Variants in MKI67 observed in about 807,000 individuals in gnomAD.
MKI67 encodes the protein marker of proliferation Ki-67.
A neutral mutation model predicts 233.5 loss-of-function variants in MKI67; 152 were observed. The observed-to-expected ratio is 0.65, with a 90% CI of 0.57 to 0.74. MKI67 has a LOEUF of 0.74. Among genes scored for constraint, MKI67 ranks in the 30% least tolerant of loss-of-function variants. The pLI is 0.00. For synonymous variants in MKI67, 1,465 were observed against 1,418.5 expected (o/e 1.03, Z -0.74); for missense variants, 3,940 against 3,885.2 (o/e 1.01, Z -0.37).
Position 128,108,474 on chromosome 10 carries a change from CTCATCAG to C in MKI67, c.3359_3365del (p.Thr1120ArgfsTer6), listed in dbSNP as rs1316407094. ...ATTTGCAGGCTATTTTGGTAGTTTT[CTCATCAG>C]TCATTGATTCCTCAGAGGGACCTGG... On this transcript the variant is annotated frameshift_variant, in exon 13 of 15. Coordinates refer to ENST00000368654, the MANE Select transcript of MKI67 (RefSeq NM_002417.5). LOFTEE classifies it high-confidence loss of function. 1 of 1,613,450 alleles carries C rather than the reference CTCATCAG, an allele frequency of 6.2e-7. No individual in the cohort carries two copies. The highest frequency in any genetic ancestry group is 8.5e-7 in the Non-Finnish European group (1 of 1,179,902).
rs368762851 is a variant in MKI67, at chr10:128,115,226, C to T, written c.1182G>A (p.Lys394=). 123 of 1,614,130 alleles carry T rather than the reference C, an allele frequency of 7.6e-5. No individual in the cohort carries two copies. Among genetic ancestry groups the T allele is most frequent in the East Asian group, 3.3e-4 (15 of 44,904 alleles). ...KAGDKTLTPR[K]LSTRNRTPAK... is the part of the protein sequence containing the mutation. ...CTGGTGTTCGATTTCTAGTTGAAAG[C>T]TTCCTGGGAGTAAGAGTTTTATCAC... Residue 394 remains lysine, a synonymous_variant, in exon 7 of 15, where the codon AAG becomes AAA. Transcript: ENST00000368654.
intron 2 of MKI67, among the ~76,000 whole-genome samples, chr10:128,123,421 G>A (rs1852992388): frequency 6.6e-6 from 1 of 152,124 alleles, no homozygotes; most frequent in Non-Finnish European, 1.5e-5. Context: ...AACACAAATC[G>A]AATTACCTTT....
rs1229110094 is a variant in MKI67, at chr10:128,096,905, A to C, written c.*2285T>G. The C allele has an allele frequency of 1.3e-5, 2 of 152,300 alleles. No homozygotes were observed. The highest frequency in any genetic ancestry group is 4.8e-5 in the African/African-American group (2 of 41,456). The allele number at this position is 152,300 out of a possible 1,614,324, so 9.4% of individuals were successfully genotyped here. A position where few individuals can be genotyped will look rare whatever the true frequency, so the allele number is the denominator to read the frequency against. ...GACAGGCATGGGGGTGAGGGAACCCACAGGCAAGAAGCCTCCCTTAAGCTG... is the reference window on the plus strand; with the variant it reads ...GACAGGCATGGGGGTGAGGGAACCCCCAGGCAAGAAGCCTCCCTTAAGCTG... On this transcript the variant is annotated 3_prime_UTR_variant, in exon 15 of 15. Transcript: ENST00000368654.
Position 128,101,663 on chromosome 10 carries a change from C to G in MKI67, c.9300G>C (p.Glu3100Asp), listed in dbSNP as rs996220458. 4 of 1,609,038 alleles carry G rather than the reference C, an allele frequency of 2.5e-6. No individual in the cohort carries two copies. The highest frequency in any genetic ancestry group is 3.4e-6 in the Non-Finnish European group (4 of 1,178,464). The change falls in exon 14 of 15, where the codon GAG becomes GAC. Residue 3100 changes from glutamate to aspartate, a missense_variant. By Grantham distance (45) the Glu-to-Asp change is conservative. Transcript: ENST00000368654. Reference protein sequence around the residue: ...SLRSRRQNKTEAEQQITEVFV... With the variant: ...SLRSRRQNKTDAEQQITEVFV... Reference sequence around the variant, plus strand: ...AGACCTCAGTTATTTGCTGTTCTGCCTCAGTCTTATTTTGGCGTCTGGAGC... The same window carrying G: ...AGACCTCAGTTATTTGCTGTTCTGCGTCAGTCTTATTTTGGCGTCTGGAGC...
In MKI67 at chr10:128,101,266, G is replaced by C; in HGVS notation, c.9697C>G (p.Pro3233Ala). Residue 3233 changes from proline to alanine, a missense_variant, in exon 14 of 15, where the codon CCA becomes GCA. Coordinates refer to ENST00000368654, the MANE Select transcript of MKI67 (RefSeq NM_002417.5). ...TRSVKRCAEN[P>A]KKAEDNVCVK... is the part of the protein sequence containing the mutation. ...AACAGTAAATGGCTTACCTTCTTTGGATTTTCTGCACACCTCTTGACACTC... is the reference window on the plus strand; with the variant it reads ...AACAGTAAATGGCTTACCTTCTTTGCATTTTCTGCACACCTCTTGACACTC... 6.2e-7 allele frequency: 1 copy of C among 1,607,966 alleles called. No homozygotes were observed. The highest frequency in any genetic ancestry group is 1.3e-5 in the African/African-American group (1 of 74,874).
Position 128,104,107 on chromosome 10 carries a change from A to T in MKI67, c.7733T>A (p.Ile2578Asn). 1 of 1,613,784 alleles carries T rather than the reference A, an allele frequency of 6.2e-7. No individual in the cohort carries two copies. Among genetic ancestry groups the T allele is most frequent in the Non-Finnish European group, 8.5e-7 (1 of 1,179,966 alleles). ...APGHTEESMT[I>N]DKNTKIPCKS... ...GCAGGGAATTTTTGTGTTTTTGTCA[A>T]TAGTCATTGACTCTTCAGTGTGACC... The change falls in exon 13 of 15, where the codon ATT becomes AAT. Residue 2578 changes from isoleucine to asparagine, a missense_variant. Ile to Asn is a moderately radical substitution (Grantham distance 149). Transcript: ENST00000368654.
In MKI67 at chr10:128,115,185, G is replaced by A; in HGVS notation, c.1223C>T (p.Ala408Val). Reference protein sequence around the residue: ...RNRTPAKVEDAADSATKPENL... With the variant: ...RNRTPAKVEDVADSATKPENL... ...TTCTGGCTTAGTGGCAGAGTCAGCT[G>A]CATCTTCAACTTTAGCTGGTGTTCG... Residue 408 changes from alanine (A) to valine (V), a missense_variant, in exon 7 of 15, where the codon GCA becomes GTA. By Grantham distance (64) the Ala-to-Val change is moderately conservative (BLOSUM62 0). Transcript: ENST00000368654. 2 of 1,614,230 alleles carry A rather than the reference G, an allele frequency of 1.2e-6. No individual in the cohort carries two copies. Among genetic ancestry groups the A allele is most frequent in the Non-Finnish European group, 1.7e-6 (2 of 1,180,032 alleles).
chr10:128,114,869 C>T, intron 7 of MKI67, 59 bp downstream of exon 7: 1 of 1,448,512 alleles, frequency 6.9e-7, no homozygotes. Context: ...GAAGGTCTCA[C>T]AGCTACATAG....
Position 128,115,134 on chromosome 10 carries a change from C to G in MKI67, c.1274G>C (p.Ser425Thr). 1 of 1,614,182 alleles carries G rather than the reference C, an allele frequency of 6.2e-7. No homozygotes were observed. The highest frequency in any genetic ancestry group is 8.5e-7 in the Non-Finnish European group (1 of 1,180,034). Reference protein sequence around the residue: ...PENLSSKTRGSIPTDVEVLPT... With the variant: ...PENLSSKTRGTIPTDVEVLPT... ...CAGAACTTCCACATCTGTAGGAATACTTCCTCTGGTTTTGGAAGAGAGATT... is the reference window on the plus strand; with the variant it reads ...CAGAACTTCCACATCTGTAGGAATAGTTCCTCTGGTTTTGGAAGAGAGATT... The change falls in exon 7 of 15, where the codon AGT becomes ACT. Residue 425 changes from serine (S) to threonine (T), a missense_variant. Coordinates refer to ENST00000368654, the MANE Select transcript of MKI67 (RefSeq NM_002417.5).
At chr10:128,123,609 C>T (rs1285559764) in intron 2 of MKI67, among the ~76,000 whole-genome samples, 1 of 152,210 alleles carries the variant, frequency 6.6e-6, no homozygotes, top group Non-Finnish European at 1.5e-5. Flanking sequence ...GCATCAGTTT[C>T]TTCATATACA....
At position 128,102,697 on chromosome 10, in the gene MKI67, A is replaced by C. The variant is rs778483748; in HGVS notation, c.9143T>G (p.Met3048Arg). 1 of 1,614,174 alleles carries C rather than the reference A, an allele frequency of 6.2e-7. No homozygotes were observed. Among genetic ancestry groups the C allele is most frequent in the South Asian group, 1.1e-5 (1 of 91,082 alleles). ...TGCAGAAGTCCTCAAACTTCTCTTC[A>C]TGATGACCACGGGTTCGGATGATTT... ...RGKSSEPVVI[M>R]KRSLRTSAKR... The change falls in exon 13 of 15, where the codon ATG becomes AGG. Residue 3048 changes from methionine (M) to arginine (R), a missense_variant. Coordinates refer to ENST00000368654, the MANE Select transcript of MKI67 (RefSeq NM_002417.5).
Position 128,103,623 on chromosome 10 carries a change from T to A in MKI67, c.8217A>T (p.Ala2739=). The A allele has an allele frequency of 6.2e-7, 1 of 1,614,214 alleles. No homozygotes were observed. The highest frequency in any genetic ancestry group is 8.5e-7 in the Non-Finnish European group (1 of 1,180,040). ...CCCCTGATGTTTGTGTGAACTTGAC[T>A]GCTGAAGGCTCTTCTTTTACTTGTA... ...QKVQVKEEPS[A]VKFTQTSGET... The change falls in exon 13 of 15, where the codon GCA becomes GCT. Residue 2739 remains alanine (A), a synonymous_variant. Transcript: ENST00000368654.
In MKI67 at chr10:128,102,895, T is replaced by C; in HGVS notation, c.8945A>G (p.Lys2982Arg). The change falls in exon 13 of 15, where the codon AAA becomes AGA. Residue 2982 changes from lysine (K) to arginine (R), a missense_variant. Transcript: ENST00000368654. Reference protein sequence around the residue: ...GDVVSTRDPVKSQSKSNTSLP... With the variant: ...GDVVSTRDPVRSQSKSNTSLP... ...GGAAGTGTTGCTTTTGCTTTGTGAT[T>C]TTACAGGGTCTCTGGTGCTTACCAC... is the stretch of plus-strand genomic sequence containing the variant. 1 of 1,614,162 alleles carries C rather than the reference T, an allele frequency of 6.2e-7. No individual in the cohort carries two copies. Among genetic ancestry groups the C allele is most frequent in the Non-Finnish European group, 8.5e-7 (1 of 1,180,016 alleles).
Position 128,125,466 on chromosome 10 carries a change from A to T in MKI67, c.92+110T>A, listed in dbSNP as rs896443130. 3.6e-6 allele frequency: 3 copies of T among 832,298 alleles called. No homozygotes were observed. Among genetic ancestry groups the T allele is most frequent in the Non-Finnish European group, 6.1e-6 (3 of 493,890 alleles). 51.6% of individuals were successfully genotyped at this position (832,298 alleles called of 1,614,324 possible). On this transcript the variant is annotated intron_variant, in intron 2 of 14. Coordinates refer to ENST00000368654, the MANE Select transcript of MKI67 (RefSeq NM_002417.5). The surrounding 1 kb of genome is among the most constrained non-coding windows in gnomAD (Gnocchi z 5.3). ...GTAACGAATGGGAGAAGCACCAAGG[A>T]AAAGTGACGGCAGGACCCAATCCTA...
rs1348793206 is a variant in MKI67, at chr10:128,106,650, T to C, written c.5190A>G (p.Glu1730=). ...PSHTKESMTN[E]KTTKVSYRAS... ...CTCTGTAGGATACTTTGGTAGTTTTTTCGTTAGTCATTGATTCCTTAGTGT... is the reference window on the plus strand; with the variant it reads ...CTCTGTAGGATACTTTGGTAGTTTTCTCGTTAGTCATTGATTCCTTAGTGT... Residue 1730 remains glutamate, a synonymous_variant, in exon 13 of 15, where the codon GAA becomes GAG. Transcript: ENST00000368654. 4.3e-6 allele frequency: 7 copies of C among 1,614,070 alleles called. No homozygotes were observed. The highest frequency in any genetic ancestry group is 5.1e-6 in the Non-Finnish European group (6 of 1,179,992).
At position 128,106,884 on chromosome 10, in the gene MKI67, G is replaced by A. The variant is rs1852512680; in HGVS notation, c.4956C>T (p.Leu1652=). Reference sequence around the variant, plus strand: ...GTGTAGTCTCTCCTGATGTCTGTGTGAGCTTGCCAACTGCTAGGAGCTCTT... The same window carrying A: ...GTGTAGTCTCTCCTGATGTCTGTGTAAGCTTGCCAACTGCTAGGAGCTCTT... ...VKEELLAVGK[L]TQTSGETTHT... Residue 1652 remains leucine, a synonymous_variant, in exon 13 of 15, where the codon CTC becomes CTT. Transcript: ENST00000368654. 1 of 1,614,020 alleles carries A rather than the reference G, an allele frequency of 6.2e-7. No homozygotes were observed. The highest frequency in any genetic ancestry group is 8.5e-7 in the Non-Finnish European group (1 of 1,179,992).
At chr10:128,123,973 T>G (rs886972352) in intron 2 of MKI67, among the ~76,000 whole-genome samples, 2 of 152,220 alleles carry the variant, frequency 1.3e-5, no homozygotes, top group Non-Finnish European at 2.9e-5. Flanking sequence ...TCTTAAAAAT[T>G]TGAATAAACT....
At chr10:128,110,306 C>G (rs1852643428) in intron 12 of MKI67, 72 bp downstream of exon 12, 11 of 1,233,304 alleles carry the variant, frequency 8.9e-6, no homozygotes, top group African/African-American at 1.5e-5. Context: ...TAATATCATA[C>G]TGCTTGTAAA....
At chr10:128,119,427 G>C (rs1361860484) in intron 4 of MKI67, 108 bp from the exon 5 acceptor site, 1 of 706,946 alleles carries the variant, frequency 1.4e-6, no homozygotes, top group Non-Finnish European at 2.5e-6. Flanking sequence ...TTTGGGTTTA[G>C]TTCAAGACAT....
Sources: allele counts gnomAD v4.1 joint callset (sites outside exome capture counted in the v4.1 genomes callset), GRCh38; gene constraint gnomAD v4.1.1; non-coding constraint Gnocchi (gnomAD v3.1); transcripts MANE v1.5; gene names NCBI Gene and HGNC (gene_info 2026-07-23, HGNC 2026-07-21).